Variants in GDF7 observed in about 807,000 individuals in gnomAD.
GDF7 encodes growth differentiation factor 7.
In GDF7, 12 loss-of-function variants were observed where a neutral mutation model predicts 13.4. The ratio of observed to expected loss-of-function variants is 0.90; its 90% CI spans 0.57 to 1.45. GDF7 has a LOEUF of 1.45. Among genes scored for constraint, GDF7 ranks in the 40% most tolerant of loss-of-function variants. GDF7 has a pLI of 0.00. For missense variants in GDF7, 651 were observed against 652.4 expected (o/e 1.00, Z 0.02); for synonymous variants, 330 against 306.4 (o/e 1.08, Z -0.80).
Position 20,667,365 on chromosome 2 carries a change from C to CGGCGGT in GDF7, c.131_132insTGGCGG (p.Gly49_Gly50dup). The CGGCGGT allele has an allele frequency of 2.2e-6, 2 of 907,164 alleles. No individual in the cohort carries two copies. The highest frequency in any genetic ancestry group is 2.6e-6 in the Non-Finnish European group (2 of 766,008). The allele number at this position is 907,164 out of a possible 1,614,324, so 56.2% of individuals were successfully genotyped here. On this transcript the variant is annotated inframe_insertion, in exon 1 of 2. Coordinates refer to ENST00000272224, the MANE Select transcript of GDF7 (RefSeq NM_182828.4). The surrounding 1 kb of genome is among the most constrained non-coding windows in gnomAD (Gnocchi z 6.4). ...CTGGGCCGGTCCGGAGCCCAGGGGGCGGCGGCGGCGGCGGCGGCGGCGGGC... is the reference window on the plus strand; with the variant it reads ...CTGGGCCGGTCCGGAGCCCAGGGGGCGGCGGTGGCGGCGGCGGCGGCGGCGGCGGGC...
rs980771543 is a variant in GDF7, at chr2:20,673,125, A to G, written c.*1700A>G. 2.6e-5 allele frequency: 4 copies of G among 152,002 alleles called. No individual in the cohort carries two copies. The highest frequency in any genetic ancestry group is 5.9e-5 in the Non-Finnish European group (4 of 67,990). The allele number at this position is 152,002 out of a possible 1,614,324, so 9.4% of individuals were successfully genotyped here. The stretch of plus-strand genomic sequence containing the variant: ...TACACTCTTGAGAGAGAGAAGACAG[A>G]CTTACGATTTAGATACAGCTAATTT... On this transcript the variant is annotated 3_prime_UTR_variant, in exon 2 of 2. Transcript: ENST00000272224.
At position 20,672,127 on chromosome 2, in the gene GDF7, C is replaced by CCTT. The variant is rs1662138262; in HGVS notation, c.*702_*703insCTT. On this transcript the variant is annotated 3_prime_UTR_variant, in exon 2 of 2. Coordinates refer to ENST00000272224, the MANE Select transcript of GDF7 (RefSeq NM_182828.4). The stretch of plus-strand genomic sequence containing the variant: ...CCGCCACCCCCCCCCCCCCCCCCGC[C>CCTT]TTTTTTTTTTTTTTTTTTAATCAAT... 1.8e-5 allele frequency: 2 copies of CCTT among 112,446 alleles called. No individual in the cohort carries two copies. The highest frequency in any genetic ancestry group is 7.1e-5 in the African/African-American group (2 of 28,186). 7.0% of individuals were successfully genotyped at this position (112,446 alleles called of 1,614,324 possible). A position where few individuals can be genotyped will look rare whatever the true frequency, so the allele number is the denominator to read the frequency against.
rs1662137152 is a variant in GDF7, at chr2:20,672,117, C to CAA, written c.*692_*693insAA. On this transcript the variant is annotated 3_prime_UTR_variant, in exon 2 of 2. Coordinates refer to ENST00000272224, the MANE Select transcript of GDF7 (RefSeq NM_182828.4). ...AAGGTCGGTACCGCCACCCCCCCCC[C>CAA]CCCCCCCGCCTTTTTTTTTTTTTTT... The CAA allele has an allele frequency of 2.2e-5, 3 of 134,210 alleles. No homozygotes were observed. Among genetic ancestry groups the CAA allele is most frequent in the Non-Finnish European group, 3.1e-5 (2 of 63,518 alleles). 8.3% of individuals were successfully genotyped at this position (134,210 alleles called of 1,614,324 possible).
rs762046918 is a variant in GDF7 at position 20,670,805 on chromosome 2, T to A, written c.733T>A (p.Leu245Met). ...RAVAGPVPSPLALRRLGFGWP... is the reference protein window; with the variant it reads ...RAVAGPVPSPMALRRLGFGWP... Reference sequence around the variant, plus strand: ...AGTGGCAGGCCCGGTGCCGAGCCCGTTGGCACTGCGGCGGCTGGGCTTCGG... The same window carrying A: ...AGTGGCAGGCCCGGTGCCGAGCCCGATGGCACTGCGGCGGCTGGGCTTCGG... The change falls in exon 2 of 2, where the codon TTG becomes ATG. Residue 245 changes from leucine to methionine, a missense_variant. By Grantham distance (15) the Leu-to-Met change is conservative. Around this residue, in one of 4 missense-constraint regions of GDF7, gnomAD observed 487 missense variants for 445.9 expected, o/e 1.09. Coordinates refer to ENST00000272224, the MANE Select transcript of GDF7 (RefSeq NM_182828.4). 4 of 1,490,174 alleles carry A rather than the reference T, an allele frequency of 2.7e-6. No homozygotes were observed. In the South Asian group the frequency reaches 5.1e-5, roughly 19 times the overall value. 92.3% of individuals were successfully genotyped at this position (1,490,174 alleles called of 1,614,324 possible).
Position 20,667,607 on chromosome 2 carries a change from G to A in GDF7, c.368G>A (p.Gly123Asp). The A allele has an allele frequency of 6.6e-7, 1 of 1,509,042 alleles. No individual in the cohort carries two copies. Among genetic ancestry groups the A allele is most frequent in the Non-Finnish European group, 8.8e-7 (1 of 1,135,164 alleles). The allele number at this position is 1,509,042 out of a possible 1,614,324, so 93.5% of individuals were successfully genotyped here. Residue 123 changes from glycine (G) to aspartate (D), a missense_variant, in exon 1 of 2, where the codon GGC becomes GAC. Gly to Asp is a moderately conservative substitution (Grantham distance 94). Around this residue, in one of 4 missense-constraint regions of GDF7, gnomAD observed 487 missense variants for 445.9 expected, o/e 1.09. Coordinates refer to ENST00000272224, the MANE Select transcript of GDF7 (RefSeq NM_182828.4). This position sits in a 1 kb window ranked among gnomAD's most constrained non-coding sequence, Gnocchi z 6.4. ...CATGGTCGCGCGGACACGATCACCGGCTTCACAGACCAGGCGACCCAAGGT... is the reference window on the plus strand; with the variant it reads ...CATGGTCGCGCGGACACGATCACCGACTTCACAGACCAGGCGACCCAAGGT... ...SGHGRADTIT[G>D]FTDQATQDES...
chr2:20,670,990 C>T lies in GDF7; in HGVS notation c.918C>T (p.Gly306=). Residue 306 remains glycine (G), a synonymous_variant, in exon 2 of 2, where the codon GGC becomes GGT. Transcript: ENST00000272224. ...ASEPLPDPGT[G]TASPRAVIGG... ...AGCCGCTGCCCGACCCAGGAACCGG[C>T]ACCGCGTCGCCAAGGGCAGTCATTG... is the stretch of plus-strand genomic sequence containing the variant. 1 of 1,552,306 alleles carries T rather than the reference C, an allele frequency of 6.4e-7. No homozygotes were observed. Among genetic ancestry groups the T allele is most frequent in the Non-Finnish European group, 8.7e-7 (1 of 1,154,460 alleles).
Position 20,675,172 on chromosome 2 carries a change from A to G in GDF7, c.*3747A>G, listed in dbSNP as rs1662197035. 1 of 152,212 alleles carries G rather than the reference A, an allele frequency of 6.6e-6. No individual in the cohort carries two copies. Among genetic ancestry groups the G allele is most frequent in the South Asian group, 2.1e-4 (1 of 4,834 alleles). The allele number at this position is 152,212 out of a possible 1,614,324, so 9.4% of individuals were successfully genotyped here. ...TCGCTGATTCTCATGAGAACCTGTCATCTCAGTGAGACAGGCCTCCCACTG... is the reference window on the plus strand; with the variant it reads ...TCGCTGATTCTCATGAGAACCTGTCGTCTCAGTGAGACAGGCCTCCCACTG... On this transcript the variant is annotated 3_prime_UTR_variant, in exon 2 of 2. Transcript: ENST00000272224.
At position 20,671,392 on chromosome 2, in the gene GDF7, G is replaced by A; in HGVS notation, c.1320G>A (p.Glu440=). The stretch of plus-strand genomic sequence containing the variant: ...ACAACGTTGTCTACAAGCAATACGA[G>A]GACATGGTGGTGGAGGCCTGCGGCT... ...AANNVVYKQY[E]DMVVEACGCR is the part of the protein sequence containing the mutation. The change falls in exon 2 of 2, where the codon GAG becomes GAA. Residue 440 remains glutamate, a synonymous_variant. Coordinates refer to ENST00000272224, the MANE Select transcript of GDF7 (RefSeq NM_182828.4). The A allele has an allele frequency of 6.2e-6, 10 of 1,612,556 alleles. No homozygotes were observed. Among genetic ancestry groups the A allele is most frequent in the Non-Finnish European group, 8.5e-6 (10 of 1,179,558 alleles).
At chr2:20,669,456 G>GA (rs1457311575) in intron 1 of GDF7, among the ~76,000 whole-genome samples, 1 of 151,300 alleles carries the variant, frequency 6.6e-6, no homozygotes, top group African/African-American at 2.4e-5. Context: ...AAAGGAAAAA[G>GA]AAAAAAGAGT....
rs975811814 is a variant in GDF7, at chr2:20,678,418, C to T, written c.*6993C>T. 6 of 152,226 alleles carry T rather than the reference C, an allele frequency of 3.9e-5. No homozygotes were observed. Among genetic ancestry groups the T allele is most frequent in the African/African-American group, 1.4e-4 (6 of 41,446 alleles). The allele number at this position is 152,226 out of a possible 1,614,324, so 9.4% of individuals were successfully genotyped here. A position where few individuals can be genotyped will look rare whatever the true frequency, so the allele number is the denominator to read the frequency against. On this transcript the variant is annotated 3_prime_UTR_variant, in exon 2 of 2. Transcript: ENST00000272224. Reference sequence around the variant, plus strand: ...TGCATTTTTTACAAGGATTAACATGCTAACTACAACTTGCCCTTTCAGCAG... The same window carrying T: ...TGCATTTTTTACAAGGATTAACATGTTAACTACAACTTGCCCTTTCAGCAG...
rs767513231 is a variant in GDF7, at chr2:20,671,391, A to T, written c.1319A>T (p.Glu440Val). The T allele has an allele frequency of 6.2e-7, 1 of 1,611,466 alleles. No individual in the cohort carries two copies. The highest frequency in any genetic ancestry group is 8.5e-7 in the Non-Finnish European group (1 of 1,179,218). Reference sequence around the variant, plus strand: ...AACAACGTTGTCTACAAGCAATACGAGGACATGGTGGTGGAGGCCTGCGGC... The same window carrying T: ...AACAACGTTGTCTACAAGCAATACGTGGACATGGTGGTGGAGGCCTGCGGC... ...AANNVVYKQY[E>V]DMVVEACGCR is the part of the protein sequence containing the mutation. The change falls in exon 2 of 2, where the codon GAG becomes GTG. Residue 440 changes from glutamate to valine, a missense_variant. Glu to Val is a moderately radical substitution (Grantham distance 121). Coordinates refer to ENST00000272224, the MANE Select transcript of GDF7 (RefSeq NM_182828.4).
In GDF7 at chr2:20,674,627, G is replaced by T. The variant is rs1157347733; in HGVS notation, c.*3202G>T. ...TTGAATTCTGACTTTCCAAACAGCCGCACTGGGTCTTCCAGAGAAGGTGGC... is the reference window on the plus strand; with the variant it reads ...TTGAATTCTGACTTTCCAAACAGCCTCACTGGGTCTTCCAGAGAAGGTGGC... On this transcript the variant is annotated 3_prime_UTR_variant, in exon 2 of 2. Coordinates refer to ENST00000272224, the MANE Select transcript of GDF7 (RefSeq NM_182828.4). 6.6e-6 allele frequency: 1 copy of T among 152,270 alleles called. No individual in the cohort carries two copies. Among genetic ancestry groups the T allele is most frequent in the Non-Finnish European group, 1.5e-5 (1 of 68,084 alleles). 9.4% of individuals were successfully genotyped at this position (152,270 alleles called of 1,614,324 possible).
In GDF7 at chr2:20,678,063, C is replaced by G. The variant is rs919057450; in HGVS notation, c.*6638C>G. ...GCTCATTTCCTGGGTCAGGGCCTGT[C>G]AGACTCAAAGTCAGCTCTTCAGCAT... On this transcript the variant is annotated 3_prime_UTR_variant, in exon 2 of 2. Transcript: ENST00000272224. 6.6e-6 allele frequency: 1 copy of G among 152,272 alleles called. No homozygotes were observed. The highest frequency in any genetic ancestry group is 2.4e-5 in the African/African-American group (1 of 41,466). 9.4% of individuals were successfully genotyped at this position (152,272 alleles called of 1,614,324 possible). A position where few individuals can be genotyped will look rare whatever the true frequency, so the allele number is the denominator to read the frequency against.
rs1211966216 is a variant in GDF7 at position 20,676,342 on chromosome 2, A to G, written c.*4917A>G. 6.6e-6 allele frequency: 1 copy of G among 152,248 alleles called. No individual in the cohort carries two copies. Among genetic ancestry groups the G allele is most frequent in the East Asian group, 1.9e-4 (1 of 5,200 alleles). The allele number at this position is 152,248 out of a possible 1,614,324, so 9.4% of individuals were successfully genotyped here. ...AGGACCCAAAAAGATGTTTATTTCT[A>G]AGTTTTCAGACAGCTTGGCATCTTG... On this transcript the variant is annotated 3_prime_UTR_variant, in exon 2 of 2. Transcript: ENST00000272224.
In GDF7 at chr2:20,667,303, G is replaced by A. The variant is rs1351169025; in HGVS notation, c.64G>A (p.Gly22Arg). 2.6e-6 allele frequency: 3 copies of A among 1,161,164 alleles called. No individual in the cohort carries two copies. Among genetic ancestry groups the A allele is most frequent in the African/African-American group, 1.7e-5 (1 of 60,582 alleles). The allele number at this position is 1,161,164 out of a possible 1,614,324, so 71.9% of individuals were successfully genotyped here. A position where few individuals can be genotyped will look rare whatever the true frequency, so the allele number is the denominator to read the frequency against. The change falls in exon 1 of 2, where the codon GGG (glycine) becomes AGG (arginine). Residue 22 changes from glycine (G) to arginine (R), a missense_variant. By Grantham distance (125) the Gly-to-Arg change is moderately radical. Coordinates refer to ENST00000272224, the MANE Select transcript of GDF7 (RefSeq NM_182828.4). This position sits in a 1 kb window ranked among gnomAD's most constrained non-coding sequence, Gnocchi z 6.4. The part of the protein sequence containing the change: ...WLLSACRPRD[G>R]LEAAAVLRAA... ...GCTGAGCGCCTGCCGCCCCCGCGAC[G>A]GGCTGGAAGCGGCCGCCGTGCTGCG... is the stretch of plus-strand genomic sequence containing the variant.
At chr2:20,669,240 C>T (rs764893647) in intron 1 of GDF7, among the ~76,000 whole-genome samples, 2 of 152,094 alleles carry the variant, frequency 1.3e-5, no homozygotes, top group Non-Finnish European at 2.9e-5. Context: ...GCTTGAGGTC[C>T]CCAGAAGCCA....
rs1255859467 is a variant in GDF7, at chr2:20,671,830, A to G, written c.*405A>G. ...CCAAAGGGGTACTCGAGCATGCTTT[A>G]TCTCACCCCCTTTTGTTTCTGGCCC... On this transcript the variant is annotated 3_prime_UTR_variant, in exon 2 of 2. Coordinates refer to ENST00000272224, the MANE Select transcript of GDF7 (RefSeq NM_182828.4). 4.4e-6 allele frequency: 1 copy of G among 224,858 alleles called. No homozygotes were observed. The highest frequency in any genetic ancestry group is 8.8e-6 in the Non-Finnish European group (1 of 113,252). The allele number at this position is 224,858 out of a possible 1,614,324, so 13.9% of individuals were successfully genotyped here.
rs998713958 is a variant in GDF7, at chr2:20,667,801, G to T, written c.391+171G>T. ...AACACTCTCCAGCCCGCTGCACCTG[G>T]ACTGTGGCGAGAGTCGCGGCAGCTC... On this transcript the variant is annotated intron_variant, in intron 1 of 1. Coordinates refer to ENST00000272224, the MANE Select transcript of GDF7 (RefSeq NM_182828.4). The surrounding 1 kb of genome is among the most constrained non-coding windows in gnomAD (Gnocchi z 6.4). Among the ~76,000 whole-genome samples, 1 of 152,186 alleles carries T rather than the reference G, an allele frequency of 6.6e-6. No homozygotes were observed. Among genetic ancestry groups the T allele is most frequent in the Non-Finnish European group, 1.5e-5 (1 of 68,036 alleles).
At chr2:20,668,202 AGGTT>A (rs1174154537) in intron 1 of GDF7, among the ~76,000 whole-genome samples, 2 of 152,010 alleles carry the variant, frequency 1.3e-5, no homozygotes, top group African/African-American at 4.8e-5. Flanking sequence ...CCTGCTCAGC[AGGTT>A]GGTCTGGGTG....
Sources: gnomAD v4.1 joint callset for allele counts (sites outside exome capture counted in the v4.1 genomes callset) on GRCh38, gnomAD v4.1.1 for gene constraint, gnomAD v4.1.1 regional missense constraint, Gnocchi (gnomAD v3.1) non-coding constraint, MANE v1.5 for transcripts, NCBI Gene and HGNC (gene_info 2026-07-23, HGNC 2026-07-21) for gene names.